The following PRR33 variants were observed in gnomAD, a reference collection of about 807,000 sequenced individuals.
The protein encoded by PRR33 is proline rich 33.
In PRR33, 1 loss-of-function variant was observed where a neutral mutation model predicts 0.5. The observed-to-expected ratio is 2.18, with a 90% confidence interval of 0.77 to 10.34. PRR33 has a LOEUF of 10.34. Among genes scored for constraint, PRR33 ranks in the 30% most tolerant of loss-of-function variants. The pLI, the probability that PRR33 is intolerant of heterozygous loss-of-function variation, is 0.13. For synonymous variants in PRR33, 226 were observed against 110.0 expected, an observed-to-expected ratio of 2.06 and a Z score of -6.60; for missense variants, 552 against 251.8, an observed-to-expected ratio of 2.19 and a Z score of -8.07.
At chr11:1,889,511 T>C in exon 1 of PRR33, 1 of 618,470 alleles carries the variant, frequency 1.6e-6, no homozygotes, top group Non-Finnish European at 3.0e-6. Flanking sequence ...GCCGCGGCTC[T>C]GGGCACGGAG....
At chr11:1,892,153 T>A (rs111329862), upstream of PRR33, 1 of 152,312 alleles carries the variant, frequency 6.6e-6, no homozygotes, top group Non-Finnish European at 1.5e-5. Flanking sequence ...AAGGAGAAAC[T>A]GCAGGTCAAG....
At chr11:1,914,739 G>A in the PRR33 span, among the ~76,000 whole-genome samples, 1 of 148,634 alleles carries the variant, frequency 6.7e-6, no homozygotes, top group Admixed American at 6.8e-5. Flanking sequence ...TGTGTGTTGT[G>A]GGGTCACACA....
chr11:1,904,250 C>T, the PRR33 span, among the ~76,000 whole-genome samples: 322 of 152,294 alleles, frequency 2.1e-3, no homozygotes, highest in African/African-American at 6.7e-3. Context: ...AAAACTTGGC[C>T]GGGCGCAGTG....
chr11:1,908,558 T>C, the PRR33 span, among the ~76,000 whole-genome samples: 1 of 152,196 alleles, frequency 6.6e-6, no homozygotes, highest in African/African-American at 2.4e-5. Context: ...GTTTGGGTTT[T>C]TTTAGAGTAA....
chr11:1,903,301 T>C, the PRR33 span: 6 of 134,854 alleles, frequency 4.4e-5, no homozygotes, highest in Non-Finnish European at 3.2e-5. Flanking sequence ...TCCGTAGAGA[T>C]AGTGGGGAGC....
At chr11:1,901,059 C>T in the PRR33 span, among the ~76,000 whole-genome samples, 2 of 152,156 alleles carry the variant, frequency 1.3e-5, no homozygotes, top group Non-Finnish European at 2.9e-5. Context: ...CGCCTGTAAC[C>T]CCATCACTTT....
chr11:1,907,939 G>C, the PRR33 span: 2 of 152,166 alleles, frequency 1.3e-5, no homozygotes, highest in African/African-American at 4.8e-5. Context: ...GATAGGTATT[G>C]TGGAATGAGG....
chr11:1,888,773 A>T (rs1054441260), exon 1 of PRR33: 3 of 202,912 alleles, frequency 1.5e-5, no homozygotes, highest in Non-Finnish European at 2.9e-5. Flanking sequence ...AGCAAAAGGG[A>T]GGATCAGTGA....
exon 1 of PRR33, chr11:1,890,585 G>A: frequency 1.4e-6 from 1 of 706,438 alleles, no homozygotes; most frequent in Non-Finnish European, 2.6e-6. Context: ...ATATGAGCAT[G>A]ACTGTGTCCT....
At chr11:1,895,026 A>G (rs1849108387), upstream of PRR33, among the ~76,000 whole-genome samples, 3 of 152,144 alleles carry the variant, frequency 2.0e-5, no homozygotes, top group East Asian at 1.9e-4. Context: ...TGCACGTGCT[A>G]CTTCACCACT....
chr11:1,898,324 C>G, the PRR33 span, among the ~76,000 whole-genome samples: 3 of 152,114 alleles, frequency 2.0e-5, no homozygotes, highest in African/African-American at 7.2e-5. Flanking sequence ...CAACCTCCAC[C>G]TCCTGGGTTC....
At chr11:1,906,683 C>G in the PRR33 span, among the ~76,000 whole-genome samples, 3 of 152,196 alleles carry the variant, frequency 2.0e-5, no homozygotes, top group Non-Finnish European at 4.4e-5. Flanking sequence ...CTGAGCCCCC[C>G]ACCGCTGTGC....
At chr11:1,905,989 A>AT in the PRR33 span, among the ~76,000 whole-genome samples, 8,720 of 129,604 alleles carry the variant, frequency 0.067, 310 homozygotes, top group Non-Finnish European at 0.088. Context: ...CAGCTAAAGT[A>AT]TTTTTTTTTT....
At chr11:1,898,155 C>A in the PRR33 span, among the ~76,000 whole-genome samples, 1 of 152,208 alleles carries the variant, frequency 6.6e-6, no homozygotes, top group Non-Finnish European at 1.5e-5. Flanking sequence ...ATCCCACACA[C>A]CTTTAGCAAG....
At chr11:1,904,864 G>A in the PRR33 span, among the ~76,000 whole-genome samples, 4 of 151,854 alleles carry the variant, frequency 2.6e-5, no homozygotes, top group East Asian at 8.0e-4. Flanking sequence ...TCTTGTTCCT[G>A]ATATCGGTAA....
chr11:1,908,442 T>G, the PRR33 span, among the ~76,000 whole-genome samples: 1 of 152,042 alleles, frequency 6.6e-6, no homozygotes, highest in Non-Finnish European at 1.5e-5. Context: ...TTTCTTTTGT[T>G]TTTTCAAAAG....
At chr11:1,894,232 T>A (rs1412924508), upstream of PRR33, among the ~76,000 whole-genome samples, 2 of 145,866 alleles carry the variant, frequency 1.4e-5, no homozygotes, top group African/African-American at 2.5e-5. Flanking sequence ...GGAGTGTGTG[T>A]GTGTGTGTGT....
chr11:1,912,700 G>T, the PRR33 span, among the ~76,000 whole-genome samples: 1 of 152,202 alleles, frequency 6.6e-6, no homozygotes, highest in African/African-American at 2.4e-5. Flanking sequence ...CGCTTCCTGG[G>T]CTCAAGTGAT....
chr11:1,898,776 T>A, the PRR33 span, among the ~76,000 whole-genome samples: 5 of 152,084 alleles, frequency 3.3e-5, no homozygotes, highest in African/African-American at 1.2e-4. Context: ...GAGGCCGAGG[T>A]GGGCACTTGA....
Sources: allele counts gnomAD v4.1 joint callset (sites outside exome capture counted in the v4.1 genomes callset), GRCh38; gene constraint gnomAD v4.1.1; transcripts MANE v1.5; gene names NCBI Gene and HGNC (gene_info 2026-07-23, HGNC 2026-07-21).